The following DDAH1 variants were observed in gnomAD, a reference collection of about 807,000 sequenced individuals.
The protein encoded by DDAH1 is dimethylarginine dimethylaminohydrolase 1.
DDAH1 carries 19 observed loss-of-function variants against 28.8 expected under a neutral mutation model. That is an observed-to-expected ratio of 0.66 (90% CI 0.46 to 0.97). DDAH1 has a LOEUF of 0.97. DDAH1 is among the 50% of genes least tolerant of loss of function. The pLI is 0.00. For synonymous variants in DDAH1, 153 were observed against 154.4 expected (o/e 0.99, Z 0.07); for missense variants, 326 against 375.9 (o/e 0.87, Z 1.10).
At position 85,320,793 on chromosome 1, in the gene DDAH1, T is replaced by A. The variant is rs1166859572; in HGVS notation, c.*659A>T. Reference sequence around the variant, plus strand: ...CAGCAGCTCTGATTTCAGTCACAGTTCTGCTGAGAAGCCTGTCTGCCCCTG... The same window carrying A: ...CAGCAGCTCTGATTTCAGTCACAGTACTGCTGAGAAGCCTGTCTGCCCCTG... On this transcript the variant is annotated 3_prime_UTR_variant, in exon 6 of 6. Transcript: ENST00000284031. 2.6e-5 allele frequency: 4 copies of A among 152,398 alleles called. No homozygotes were observed. The highest frequency in any genetic ancestry group is 6.5e-5 in the Admixed American group (1 of 15,288). 9.4% of individuals were successfully genotyped at this position (152,398 alleles called of 1,614,324 possible). A position where few individuals can be genotyped will look rare whatever the true frequency, so the allele number is the denominator to read the frequency against.
At chr1:85,324,224 C>T (rs1248038366) in intron 5 of DDAH1, among the ~76,000 whole-genome samples, 1 of 150,508 alleles carries the variant, frequency 6.6e-6, no homozygotes, top group African/African-American at 2.4e-5. Flanking sequence ...GAGCCAAGAT[C>T]GTGCCGCAGC....
At chr1:85,510,870 A>C (rs2100750135) in intron 1 of DDAH1, among the ~76,000 whole-genome samples, 1 of 152,322 alleles carries the variant, frequency 6.6e-6, no homozygotes, top group Non-Finnish European at 1.5e-5. Flanking sequence ...GAGACCTAAA[A>C]AGAGATTTAG....
chr1:85,565,860 C>T (rs559371817), intron 1 of DDAH1, among the ~76,000 whole-genome samples: 2 of 152,080 alleles, frequency 1.3e-5, no homozygotes, highest in Non-Finnish European at 2.9e-5. Flanking sequence ...GTGGGTGGAT[C>T]ACCTGAGGTC....
chr1:85,341,753 C>A (rs1267878789), intron 4 of DDAH1, among the ~76,000 whole-genome samples: 1 of 152,046 alleles, frequency 6.6e-6, no homozygotes, highest in African/African-American at 2.4e-5. Context: ...GTGGAGCTTG[C>A]AGAGAGCCGA....
At chr1:85,389,494 G>A (rs1001316911) in intron 1 of DDAH1, among the ~76,000 whole-genome samples, 1 of 152,130 alleles carries the variant, frequency 6.6e-6, no homozygotes, top group African/African-American at 2.4e-5. Context: ...GAACAGATGT[G>A]TGTTGAGTGG....
chr1:85,385,126 C>T (rs1016445285), intron 1 of DDAH1, among the ~76,000 whole-genome samples: 1 of 152,226 alleles, frequency 6.6e-6, no homozygotes, highest in African/African-American at 2.4e-5. Context: ...TTCTTTTCCT[C>T]TTCTCCTCTG....
intron 1 of DDAH1, among the ~76,000 whole-genome samples, chr1:85,422,668 T>G (rs929449647): frequency 6.6e-6 from 1 of 152,172 alleles, no homozygotes; most frequent in Non-Finnish European, 1.5e-5. Context: ...TGCCACTGAG[T>G]GGTGCTATGG....
intron 4 of DDAH1, among the ~76,000 whole-genome samples, chr1:85,342,495 T>C (rs142849953): frequency 6.6e-6 from 1 of 152,116 alleles, no homozygotes; most frequent in East Asian, 1.9e-4. Context: ...TTTGGTAACT[T>C]GGAATATTTT....
At chr1:85,570,927 T>C (rs577023302) in intron 1 of DDAH1, among the ~76,000 whole-genome samples, 114 of 151,724 alleles carry the variant, frequency 7.5e-4, no homozygotes, top group African/African-American at 2.7e-3. Context: ...GAGTGAAAAC[T>C]CAAGGAATTA....
intron 1 of DDAH1, among the ~76,000 whole-genome samples, chr1:85,455,509 A>G (rs895329350): frequency 6.6e-6 from 1 of 152,204 alleles, no homozygotes; most frequent in African/African-American, 2.4e-5. Flanking sequence ...AAATATTAGA[A>G]AACTAACAGT....
intron 4 of DDAH1, among the ~76,000 whole-genome samples, chr1:85,332,578 G>C (rs564431241): frequency 6.6e-6 from 1 of 152,168 alleles, no homozygotes. Flanking sequence ...TGGGGGGCCT[G>C]AGAATAGGCC....
chr1:85,572,229 T>G (rs1341236139), intron 1 of DDAH1, among the ~76,000 whole-genome samples: 1 of 152,300 alleles, frequency 6.6e-6, no homozygotes, highest in African/African-American at 2.4e-5. Context: ...ATTGTTTAAC[T>G]TGTTTATTAT....
intron 1 of DDAH1, among the ~76,000 whole-genome samples, chr1:85,523,391 G>A (rs1657757482): frequency 6.6e-6 from 1 of 152,036 alleles, no homozygotes; most frequent in South Asian, 2.1e-4. Context: ...ACAATACAGA[G>A]AACAGTTGAG....
chr1:85,324,862 G>A lies in DDAH1; in HGVS notation c.619C>T (p.His207Tyr), dbSNP rs1295388167. The A allele has an allele frequency of 6.2e-7, 1 of 1,613,828 alleles. No individual in the cohort carries two copies. The highest frequency in any genetic ancestry group is 1.7e-5 in the Admixed American group (1 of 59,982). ...GGCACAGTGAGTTTGTCGTAGCGGT[G>A]GTCACTCATCTGTTGCATGATCTAT... The part of the protein sequence containing the change: ...ALKIMQQMSD[H>Y]RYDKLTVPDD... The change falls in exon 5 of 6, where the codon CAC (histidine) becomes TAC (tyrosine). Residue 207 changes from histidine (H) to tyrosine (Y), a missense_variant. His to Tyr is a moderately conservative substitution (Grantham distance 83, BLOSUM62 2). Coordinates refer to ENST00000284031, the MANE Select transcript of DDAH1 (RefSeq NM_012137.4).
chr1:85,518,823 A>C (rs1657565222), intron 1 of DDAH1, among the ~76,000 whole-genome samples: 1 of 152,178 alleles, frequency 6.6e-6, no homozygotes, highest in Non-Finnish European at 1.5e-5. Flanking sequence ...TCTAAGCCTC[A>C]GGCTCCTCAT....
At chr1:85,351,226 TC>T (rs1181029057) in intron 3 of DDAH1, among the ~76,000 whole-genome samples, 1 of 152,066 alleles carries the variant, frequency 6.6e-6, no homozygotes, top group Non-Finnish European at 1.5e-5. Flanking sequence ...TGTTGATTGT[TC>T]CAGGAACATC....
intron 1 of DDAH1, among the ~76,000 whole-genome samples, chr1:85,552,601 C>A (rs1038614497): frequency 1.3e-5 from 2 of 152,156 alleles, no homozygotes; most frequent in African/African-American, 2.4e-5. Flanking sequence ...CTGGTTCCAG[C>A]TAAGACCCAT....
intron 1 of DDAH1, among the ~76,000 whole-genome samples, chr1:85,512,301 C>G (rs189667262): frequency 7.6e-4 from 116 of 152,152 alleles, no homozygotes; most frequent in African/African-American, 2.6e-3. Flanking sequence ...ATTCAACAGC[C>G]CTTCATGCTA....
At chr1:85,557,140 TA>T (rs1256321176) in intron 1 of DDAH1, among the ~76,000 whole-genome samples, 1 of 151,984 alleles carries the variant, frequency 6.6e-6, no homozygotes, top group Non-Finnish European at 1.5e-5. Context: ...AAGAAAAGAA[TA>T]AAAGCTTCCT....
Sources: gnomAD v4.1 joint callset for allele counts (sites outside exome capture counted in the v4.1 genomes callset) on GRCh38, gnomAD v4.1.1 for gene constraint, MANE v1.5 for transcripts, NCBI Gene and HGNC (gene_info 2026-07-23, HGNC 2026-07-21) for gene names.